The following RCHY1 variants were observed in gnomAD, a reference collection of about 807,000 sequenced individuals.
RCHY1 encodes the protein ring finger and CHY zinc finger domain containing 1.
In RCHY1, 21 loss-of-function variants were observed where a neutral mutation model predicts 41.6. The observed-to-expected ratio is 0.51, with a 90% CI of 0.36 to 0.73. The LOEUF (loss-of-function observed/expected upper bound fraction) is 0.73. RCHY1 is among the 30% of genes least tolerant of loss of function. The pLI, the probability that RCHY1 is intolerant of heterozygous loss-of-function variation, is 0.00. For missense variants in RCHY1, 265 were observed against 325.3 expected (o/e 0.81, Z 1.43); for synonymous variants, 79 against 102.9 (o/e 0.77, Z 1.41).
chr4:75,491,685 C>T, intron 6 of RCHY1, 39 bp downstream of exon 6: 1 of 1,603,968 alleles, frequency 6.2e-7, no homozygotes, highest in Non-Finnish European at 8.5e-7. Flanking sequence ...ACTGTCTCCA[C>T]TATTTTCAAA....
intron 3 of RCHY1, among the ~76,000 whole-genome samples, chr4:75,501,548 T>C (rs1484067664): frequency 1.3e-5 from 2 of 152,186 alleles, no homozygotes; most frequent in Non-Finnish European, 2.9e-5. Context: ...TGACAAAAGA[T>C]AAAATGCCTC....
chr4:75,511,925 A>G lies in RCHY1; in HGVS notation c.90+2272T>C, dbSNP rs150231028. On this transcript the variant is annotated intron_variant, in intron 1 of 8. Transcript: ENST00000324439. ...TTCCATTCACCACACTTTGAAAACC[A>G]ATGCTACAGAACAACGGCACCCTCT... Among the ~76,000 whole-genome samples the G allele has an allele frequency of 1.8e-3, 281 of 152,220 alleles. 2 individuals carry two copies. The highest frequency in any genetic ancestry group is 6.2e-3 in the African/African-American group (257 of 41,536).
At chr4:75,484,100 G>C (rs1269004021) in intron 8 of RCHY1, among the ~76,000 whole-genome samples, 3 of 152,092 alleles carry the variant, frequency 2.0e-5, no homozygotes, top group Non-Finnish European at 4.4e-5. Flanking sequence ...TCTCAATTAA[G>C]TTCTGTTAAA....
At chr4:75,505,064 T>C (rs1047469803) in intron 3 of RCHY1, among the ~76,000 whole-genome samples, 1 of 152,204 alleles carries the variant, frequency 6.6e-6, no homozygotes, top group Non-Finnish European at 1.5e-5. Context: ...AATTTTTCCA[T>C]GGACCGAGGT....
chr4:75,510,772 CT>C (rs2148778815), intron 1 of RCHY1, among the ~76,000 whole-genome samples: 2 of 152,202 alleles, frequency 1.3e-5, no homozygotes, highest in South Asian at 4.2e-4. Flanking sequence ...AATATTACTT[CT>C]TTTTAAAAGT....
intron 1 of RCHY1, chr4:75,509,531 A>C (rs1406156472): frequency 1.0e-5 from 4 of 393,654 alleles, no homozygotes. Context: ...ACTTTAAAAC[A>C]AAAGAATTAT....
chr4:75,483,340 A>G (rs995294681), intron 8 of RCHY1, among the ~76,000 whole-genome samples: 2 of 152,226 alleles, frequency 1.3e-5, no homozygotes, highest in Non-Finnish European at 2.9e-5. Flanking sequence ...TATAATAAGC[A>G]GAAAATTTCC....
chr4:75,479,552 C>T lies in RCHY1; in HGVS notation c.*2986G>A, dbSNP rs1396320723. ...ACTATAAACAAACTACTACTTCCAA[C>T]ATAAGCTAAAGTTAATTCATAAAGA... On this transcript the variant is annotated 3_prime_UTR_variant, in exon 9 of 9. Transcript: ENST00000324439. The T allele has an allele frequency of 6.6e-6, 1 of 152,010 alleles. No individual in the cohort carries two copies. The highest frequency in any genetic ancestry group is 1.5e-5 in the Non-Finnish European group (1 of 67,954). 9.4% of individuals were successfully genotyped at this position (152,010 alleles called of 1,614,324 possible).
At position 75,490,583 on chromosome 4, in the gene RCHY1, CCA is replaced by C; in HGVS notation, c.653_654del (p.Val218GlyfsTer6). 1.2e-6 allele frequency: 2 copies of C among 1,610,256 alleles called. No homozygotes were observed. The highest frequency in any genetic ancestry group is 1.1e-5 in the South Asian group (1 of 90,542). The stretch of plus-strand genomic sequence containing the variant: ...TTTTAAGTATTGATTCTACTCACAT[CCA>C]CAGTCATGTTCTGATATTCTGATGG... ...PMPSEYQNMT[V>X]DILCNDCNGR... On this transcript the variant is annotated frameshift_variant, in exon 8 of 9. Coordinates refer to ENST00000324439, the MANE Select transcript of RCHY1 (RefSeq NM_015436.4). LOFTEE classifies it high-confidence loss of function.
chr4:75,508,774 C>T, intron 3 of RCHY1, 46 bp downstream of exon 3: 1 of 1,056,694 alleles, frequency 9.5e-7, no homozygotes, highest in Non-Finnish European at 1.4e-6. Flanking sequence ...ACTATTATTG[C>T]ATATACATTA....
intron 8 of RCHY1, among the ~76,000 whole-genome samples, chr4:75,487,836 CATAATATATATTCATA>C (rs1307770085): frequency 7.2e-5 from 7 of 97,418 alleles, no homozygotes; most frequent in African/African-American, 1.5e-4. Flanking sequence ...TATATATATT[CATAATATATATTCATA>C]ATATATATAT....
Position 75,490,644 on chromosome 4 carries a change from T to C in RCHY1, c.594A>G (p.Arg198=). 3 of 1,610,582 alleles carry C rather than the reference T, an allele frequency of 1.9e-6. No homozygotes were observed. The highest frequency in any genetic ancestry group is 2.2e-5 in the South Asian group (2 of 90,968). The change falls in exon 8 of 9, where the codon AGA becomes AGG. Residue 198 remains arginine, a synonymous_variant. Coordinates refer to ENST00000324439, the MANE Select transcript of RCHY1 (RefSeq NM_015436.4). ...HSALDMTRYW[R]QLDDEVAQTP... ...TCTGTGCTACTTCATCATCCAGCTGTCTCCAATACCTGGTCATATCTAAAG... is the reference window on the plus strand; with the variant it reads ...TCTGTGCTACTTCATCATCCAGCTGCCTCCAATACCTGGTCATATCTAAAG...
At position 75,479,164 on chromosome 4, in the gene RCHY1, G is replaced by A. The variant is rs1214530081; in HGVS notation, c.*3374C>T. On this transcript the variant is annotated 3_prime_UTR_variant, in exon 9 of 9. Transcript: ENST00000324439. ...GTTTTTTTACCACAAAAAATGGTAT[G>A]AGGCAATAAATTTATTACATTGATT... 6.6e-6 allele frequency: 1 copy of A among 152,010 alleles called. No homozygotes were observed. Among genetic ancestry groups the A allele is most frequent in the African/African-American group, 2.4e-5 (1 of 41,406 alleles). The allele number at this position is 152,010 out of a possible 1,614,324, so 9.4% of individuals were successfully genotyped here.
At chr4:75,492,932 C>T (rs1162949467) in intron 4 of RCHY1, among the ~76,000 whole-genome samples, 1 of 151,890 alleles carries the variant, frequency 6.6e-6, no homozygotes, top group Non-Finnish European at 1.5e-5. Flanking sequence ...CTAAAGTGCA[C>T]CTCACACATA....
At chr4:75,507,741 A>C (rs6845588) in intron 3 of RCHY1, among the ~76,000 whole-genome samples, 39,185 of 152,006 alleles carry the variant, frequency 0.26, 5,414 homozygotes, top group African/African-American at 0.35. Context: ...GACACATTAT[A>C]TAATAATAAA....
chr4:75,514,405 G>T, upstream of RCHY1: 2 of 1,170,564 alleles, frequency 1.7e-6, no homozygotes, highest in Non-Finnish European at 2.4e-6. Context: ...CGACAATATG[G>T]CTCCTAAGCA....
At chr4:75,492,769 C>A (rs551110342) in intron 4 of RCHY1, among the ~76,000 whole-genome samples, 1 of 151,684 alleles carries the variant, frequency 6.6e-6, no homozygotes, top group South Asian at 2.1e-4. Flanking sequence ...GGGAGAAAAA[C>A]CCTCAAAATA....
At chr4:75,487,347 C>CT (rs893333186) in intron 8 of RCHY1, among the ~76,000 whole-genome samples, 3 of 150,026 alleles carry the variant, frequency 2.0e-5, no homozygotes, top group Non-Finnish European at 4.4e-5. Flanking sequence ...TGTCTCAGGA[C>CT]TTTTAATTGT....
At chr4:75,494,384 T>C in intron 3 of RCHY1, 1 of 434,612 alleles carries the variant, frequency 2.3e-6, no homozygotes, top group East Asian at 4.0e-5. Flanking sequence ...AGGGCTTTTT[T>C]TTCTTTTTCT....
Sources: allele counts gnomAD v4.1 joint callset (sites outside exome capture counted in the v4.1 genomes callset), GRCh38; gene constraint gnomAD v4.1.1; transcripts MANE v1.5; gene names NCBI Gene and HGNC (gene_info 2026-07-23, HGNC 2026-07-21).